Variants in GRM4 observed in about 807,000 individuals in gnomAD.
GRM4 encodes glutamate metabotropic receptor 4.
A neutral mutation model predicts 81.7 loss-of-function variants in GRM4; 28 were observed. That is an observed-to-expected ratio of 0.34 (90% confidence interval 0.25 to 0.47). The LOEUF (loss-of-function observed/expected upper bound fraction) is 0.47. Among genes scored for constraint, GRM4 ranks in the 20% least tolerant of loss-of-function variants. GRM4 has a pLI of 1.00. For synonymous variants in GRM4, 488 were observed against 528.8 expected, an observed-to-expected ratio of 0.92 and a Z score of 1.06; for missense variants, 948 against 1,290.0, an observed-to-expected ratio of 0.73 and a Z score of 4.06.
At position 34,090,860 on chromosome 6, in the gene GRM4, G is replaced by A. The variant is rs1000487989; in HGVS notation, c.736+1023C>T. On this transcript the variant is annotated intron_variant, in intron 3 of 10. Transcript: ENST00000538487. The surrounding 1 kb of genome is among the most constrained non-coding windows in gnomAD (Gnocchi z 5.2). ...CACCCAAGGTCTCGGGCACTGGTGA[G>A]CTGTGTAGAGGCAGGGCCTTGGGAG... 2.6e-5 allele frequency among the ~76,000 whole-genome samples: 4 copies of A among 152,206 alleles called. No homozygotes were observed. Among genetic ancestry groups the A allele is most frequent in the Non-Finnish European group, 5.9e-5 (4 of 68,022 alleles).
intron 2 of GRM4, among the ~76,000 whole-genome samples, chr6:34,119,076 T>C (rs1769702484): frequency 3.3e-5 from 5 of 152,204 alleles, no homozygotes; most frequent in Admixed American, 3.3e-4. Context: ...TTCATCCCTC[T>C]AGATTCCGTG....
At chr6:34,041,031 C>T in intron 6 of GRM4, among the ~76,000 whole-genome samples, 1 of 152,206 alleles carries the variant, frequency 6.6e-6, no homozygotes, top group East Asian at 1.9e-4. Flanking sequence ...GGGCAGACTA[C>T]CTTGTCACCT....
rs1056823532 is a variant in GRM4, at chr6:34,121,583, G to A, written c.519+11395C>T. 1.3e-5 allele frequency among the ~76,000 whole-genome samples: 2 copies of A among 152,200 alleles called. No homozygotes were observed. The highest frequency in any genetic ancestry group is 4.8e-5 in the African/African-American group (2 of 41,434). ...TTTTCAATCCCTCTTCGCCCTGGAG[G>A]TGGCTGGAGACCAGGAGCAGGCAGC... On this transcript the variant is annotated intron_variant, in intron 2 of 10. Transcript: ENST00000538487. This position sits in a 1 kb window ranked among gnomAD's most constrained non-coding sequence, Gnocchi z 4.6.
chr6:34,153,384 C>T (rs752349461), intron 1 of GRM4, among the ~76,000 whole-genome samples: 43 of 152,260 alleles, frequency 2.8e-4, no homozygotes, highest in Non-Finnish European at 5.9e-4. Flanking sequence ...ATCCCCCACA[C>T]TCCGGGCATC....
At position 34,114,573 on chromosome 6, in the gene GRM4, T is replaced by C. The variant is rs1276769751; in HGVS notation, c.519+18405A>G. On this transcript the variant is annotated intron_variant, in intron 2 of 10. Coordinates refer to ENST00000538487, the MANE Select transcript of GRM4 (RefSeq NM_000841.4). This position sits in a 1 kb window ranked among gnomAD's most constrained non-coding sequence, Gnocchi z 4.3. Reference sequence around the variant, plus strand: ...AAGCCCCCCAATTTCCTCCAGCCCCTCTCCACTCACCCTCTGCCCAACCCT... The same window carrying C: ...AAGCCCCCCAATTTCCTCCAGCCCCCCTCCACTCACCCTCTGCCCAACCCT... 6.6e-6 allele frequency among the ~76,000 whole-genome samples: 1 copy of C among 150,624 alleles called. No homozygotes were observed. Among genetic ancestry groups the C allele is most frequent in the Non-Finnish European group, 1.5e-5 (1 of 67,740 alleles).
chr6:34,082,562 G>A (rs1767659137), intron 3 of GRM4, among the ~76,000 whole-genome samples: 1 of 152,220 alleles, frequency 6.6e-6, no homozygotes, highest in Non-Finnish European at 1.5e-5. Flanking sequence ...CCAGCCTGAA[G>A]TCACACAGCC....
At chr6:34,098,177 G>C (rs1431567908) in intron 2 of GRM4, among the ~76,000 whole-genome samples, 1 of 152,220 alleles carries the variant, frequency 6.6e-6, no homozygotes, top group Non-Finnish European at 1.5e-5. Flanking sequence ...AACAAGCCAG[G>C]TGCATGGGGG....
At chr6:34,045,589 C>G (rs1055330637) in intron 6 of GRM4, among the ~76,000 whole-genome samples, 25 of 152,328 alleles carry the variant, frequency 1.6e-4, no homozygotes, top group African/African-American at 6.0e-4. Flanking sequence ...TAGCCGCTGA[C>G]CTGCCTCCTT....
chr6:34,073,463 A>G (rs1220496678), intron 3 of GRM4, among the ~76,000 whole-genome samples: 1 of 150,484 alleles, frequency 6.6e-6, no homozygotes, highest in African/African-American at 2.5e-5. Context: ...AAACACATCC[A>G]CACATCACCA....
chr6:34,040,616 A>G lies in GRM4; in HGVS notation c.1301T>C (p.Leu434Pro). ...ATCTACAGGGTCCATGCGCGGGCAG[A>G]GCCCCACGCGGCCGGGACACAGGTC... The part of the protein sequence containing the change: ...HRDLCPGRVG[L>P]CPRMDPVDGT... The change falls in exon 7 of 11, where the codon CTC (leucine) becomes CCC (proline). Residue 434 changes from leucine (L) to proline (P), a missense_variant. Coordinates refer to ENST00000538487, the MANE Select transcript of GRM4 (RefSeq NM_000841.4). 1.2e-6 allele frequency: 2 copies of G among 1,614,098 alleles called. No individual in the cohort carries two copies. The highest frequency in any genetic ancestry group is 1.7e-5 in the Admixed American group (1 of 60,022).
At position 34,074,779 on chromosome 6, in the gene GRM4, C is replaced by T. The variant is rs1421587149; in HGVS notation, c.737-12751G>A. 6.6e-6 allele frequency among the ~76,000 whole-genome samples: 1 copy of T among 152,158 alleles called. No homozygotes were observed. Among genetic ancestry groups the T allele is most frequent in the Non-Finnish European group, 1.5e-5 (1 of 68,026 alleles). On this transcript the variant is annotated intron_variant, in intron 3 of 10. Transcript: ENST00000538487. The surrounding 1 kb of genome is among the most constrained non-coding windows in gnomAD (Gnocchi z 4.9). ...GCGGAAAAATAATAGAAAAGGGAAG[C>T]CGTGGTGTTTGGAGGCAGATGGTGG...
rs2499702 is a variant in GRM4 at position 34,078,952 on chromosome 6, A to G, written c.736+12931T>C. On this transcript the variant is annotated intron_variant, in intron 3 of 10. Coordinates refer to ENST00000538487, the MANE Select transcript of GRM4 (RefSeq NM_000841.4). This position sits in a 1 kb window ranked among gnomAD's most constrained non-coding sequence, Gnocchi z 4.8. ...AAAGGACGGTCACAACGGGAGGCTG[A>G]GAGAGGCCCAGGCGCACCCCCAGGT... 0.36 allele frequency among the ~76,000 whole-genome samples: 55,251 copies of G among 152,116 alleles called. 12,973 individuals carry two copies. Among genetic ancestry groups the G allele is most frequent in the African/African-American group, 0.66 (27,213 of 41,500 alleles).
chr6:34,091,572 A>G (rs937033), intron 3 of GRM4: 2 of 349,498 alleles, frequency 5.7e-6, no homozygotes, highest in African/African-American at 2.1e-5. Context: ...CCTCGTCCCC[A>G]CCCCATCCCT....
rs370375147 is a variant in GRM4 at position 34,035,678 on chromosome 6, G to A, written c.2432C>T (p.Ser811Leu). The change falls in exon 9 of 11, where the codon TCG becomes TTG. Residue 811 changes from serine to leucine, a missense_variant. Transcript: ENST00000538487. The surrounding 1 kb of genome is among the most constrained non-coding windows in gnomAD (Gnocchi z 6.6). ...FIPIFFGTSQSADKLYIQTTT... is the reference protein window; with the variant it reads ...FIPIFFGTSQLADKLYIQTTT... ...GCCCCCACCACTCACCTTGTCGGCC[G>A]ACTGCGAGGTGCCAAAGAAGATGGG... The A allele has an allele frequency of 3.5e-5, 46 of 1,300,338 alleles. No individual in the cohort carries two copies. The highest frequency in any genetic ancestry group is 4.9e-5 in the South Asian group (4 of 82,126). 80.6% of individuals were successfully genotyped at this position (1,300,338 alleles called of 1,614,324 possible).
rs373174236 is a variant in GRM4, at chr6:34,069,198, A to G, written c.737-7170T>C. On this transcript the variant is annotated intron_variant, in intron 3 of 10. Coordinates refer to ENST00000538487, the MANE Select transcript of GRM4 (RefSeq NM_000841.4). This position sits in a 1 kb window ranked among gnomAD's most constrained non-coding sequence, Gnocchi z 6.4. ...CACACACACACACACACACACACAC[A>G]CACACACGCACGCACACACGGCTCC... is the stretch of plus-strand genomic sequence containing the variant. Among the ~76,000 whole-genome samples, 1 of 142,252 alleles carries G rather than the reference A, an allele frequency of 7.0e-6. No homozygotes were observed. Among genetic ancestry groups the G allele is most frequent in the East Asian group, 2.2e-4 (1 of 4,644 alleles). The allele number at this position is 142,252 out of a possible 152,430, so 93.3% of individuals were successfully genotyped here.
At position 34,074,044 on chromosome 6, in the gene GRM4, C is replaced by T. The variant is rs1311688348; in HGVS notation, c.737-12016G>A. Among the ~76,000 whole-genome samples, 4 of 152,236 alleles carry T rather than the reference C, an allele frequency of 2.6e-5. No individual in the cohort carries two copies. The highest frequency in any genetic ancestry group is 6.5e-5 in the Admixed American group (1 of 15,284). On this transcript the variant is annotated intron_variant, in intron 3 of 10. Transcript: ENST00000538487. This position sits in a 1 kb window ranked among gnomAD's most constrained non-coding sequence, Gnocchi z 4.9. ...CCTCCTCTTGCCTCTGAAACCCCAC[C>T]TCTGCCACCAGGCTCTCCATTCCTG...
intron 2 of GRM4, among the ~76,000 whole-genome samples, chr6:34,122,939 A>C (rs1032746733): frequency 3.3e-5 from 5 of 152,228 alleles, no homozygotes; most frequent in African/African-American, 1.2e-4. Flanking sequence ...CAAGGCAGCA[A>C]GAAGGGCATT....
chr6:34,132,509 C>T (rs1177680646), intron 2 of GRM4, among the ~76,000 whole-genome samples: 4 of 152,230 alleles, frequency 2.6e-5, no homozygotes, highest in Non-Finnish European at 5.9e-5. Flanking sequence ...AAAAGTCTTG[C>T]TTTTTCTCCC....
Position 34,092,072 on chromosome 6 carries a change from C to G in GRM4, c.547G>C (p.Ala183Pro), listed in dbSNP as rs755074765. 6.2e-7 allele frequency: 1 copy of G among 1,610,628 alleles called. No homozygotes were observed. The highest frequency in any genetic ancestry group is 8.5e-7 in the Non-Finnish European group (1 of 1,177,278). ...KIPQISYASTAPDLSDNSRYD... is the reference protein window; with the variant it reads ...KIPQISYASTPPDLSDNSRYD... ...CGGCTGTTGTCACTCAGGTCTGGCG[C>G]TGTGGAGGCGTAGCTGATCTGGGGT... The change falls in exon 3 of 11, where the codon GCG becomes CCG. Residue 183 changes from alanine (A) to proline (P), a missense_variant. Physicochemically the swap from Ala to Pro is conservative, Grantham distance 27. Coordinates refer to ENST00000538487, the MANE Select transcript of GRM4 (RefSeq NM_000841.4). The surrounding 1 kb of genome is among the most constrained non-coding windows in gnomAD (Gnocchi z 6.8).
Sources: allele counts gnomAD v4.1 joint callset (sites outside exome capture counted in the v4.1 genomes callset), GRCh38; gene constraint gnomAD v4.1.1; non-coding constraint Gnocchi (gnomAD v3.1); transcripts MANE v1.5; gene names NCBI Gene and HGNC (gene_info 2026-07-23, HGNC 2026-07-21).